Variants in DISP3 observed in about 807,000 individuals in gnomAD.
DISP3 encodes the protein dispatched RND transporter family member 3, also known as protein dispatched homolog 3.
A neutral mutation model predicts 135.3 loss-of-function variants in DISP3; 101 were observed. That is an observed-to-expected ratio of 0.75 (90% CI 0.64 to 0.88). The LOEUF is 0.88. Ranked by LOEUF, DISP3 falls within the 40% of genes least tolerant of loss-of-function variation. The pLI is 0.00. For missense variants in DISP3, 1,713 were observed against 1,878.6 expected (o/e 0.91, Z 1.63); for synonymous variants, 856 against 817.0 (o/e 1.05, Z -0.81).
chr1:11,531,746 G>A lies in DISP3; in HGVS notation c.3375+36G>A, dbSNP rs745937900. On this transcript the variant is annotated intron_variant, in intron 17 of 20. Coordinates refer to ENST00000294484, the MANE Select transcript of DISP3 (RefSeq NM_020780.2). The surrounding 1 kb of genome is among the most constrained non-coding windows in gnomAD (Gnocchi z 5.2). ...GCAGCCTCACTGGGTGCCATGCTGCGTACTTGCCCGGGGTGTGCCACCTCT... is the reference window on the plus strand; with the variant it reads ...GCAGCCTCACTGGGTGCCATGCTGCATACTTGCCCGGGGTGTGCCACCTCT... 3.0e-5 allele frequency: 47 copies of A among 1,560,740 alleles called. No individual in the cohort carries two copies. In the African/African-American group the frequency reaches 3.4e-4, roughly 11 times the overall value.
At position 11,536,214 on chromosome 1, in the gene DISP3, C is replaced by T; in HGVS notation, c.3817-110C>T. 1.4e-6 allele frequency: 2 copies of T among 1,439,298 alleles called. No homozygotes were observed. The highest frequency in any genetic ancestry group is 2.9e-5 in the South Asian group (2 of 69,332). 89.2% of individuals were successfully genotyped at this position (1,439,298 alleles called of 1,614,324 possible). A position where few individuals can be genotyped will look rare whatever the true frequency, so the allele number is the denominator to read the frequency against. On this transcript the variant is annotated intron_variant, in intron 20 of 20. Coordinates refer to ENST00000294484, the MANE Select transcript of DISP3 (RefSeq NM_020780.2). This position sits in a 1 kb window ranked among gnomAD's most constrained non-coding sequence, Gnocchi z 4.3. ...TGGGAGGCCACTTGCAGCTCTCATC[C>T]CAGTAACAGAGCAGGAACCTGGCGT...
intron 1 of DISP3, among the ~76,000 whole-genome samples, chr1:11,494,860 A>T (rs182850324): frequency 6.6e-6 from 1 of 152,138 alleles, no homozygotes; most frequent in East Asian, 1.9e-4. Context: ...GGGAGTGGAG[A>T]AGGAAGGGTT....
chr1:11,485,537 G>C (rs1478590284), intron 1 of DISP3, among the ~76,000 whole-genome samples: 1 of 152,152 alleles, frequency 6.6e-6, no homozygotes, highest in African/African-American at 2.4e-5. Flanking sequence ...GGGGAAGGTT[G>C]TGGCAAATTG....
At chr1:11,488,136 A>G (rs1042321141) in intron 1 of DISP3, among the ~76,000 whole-genome samples, 1 of 152,134 alleles carries the variant, frequency 6.6e-6, no homozygotes, top group Non-Finnish European at 1.5e-5. Context: ...GGCTGGGAGC[A>G]GCAGTTCTTA....
In DISP3 at chr1:11,524,075, G is replaced by A. The variant is rs756443851; in HGVS notation, c.2476+20G>A. On this transcript the variant is annotated intron_variant, in intron 11 of 20. Transcript: ENST00000294484. ...TGCAGGGTGAGCACTGGGGGTGGAG[G>A]GTGGGGAAATCCTCCCTGGTGCTAG... 3.2e-6 allele frequency: 5 copies of A among 1,568,314 alleles called. No homozygotes were observed. The Admixed American group carries it at 6.7e-5, about 21-fold the overall frequency.
In DISP3 at chr1:11,524,075, G is replaced by C; in HGVS notation, c.2476+20G>C. 2.6e-6 allele frequency: 4 copies of C among 1,568,314 alleles called. No individual in the cohort carries two copies. The highest frequency in any genetic ancestry group is 2.6e-6 in the Non-Finnish European group (3 of 1,139,764). On this transcript the variant is annotated intron_variant, in intron 11 of 20. Transcript: ENST00000294484. Reference sequence around the variant, plus strand: ...TGCAGGGTGAGCACTGGGGGTGGAGGGTGGGGAAATCCTCCCTGGTGCTAG... The same window carrying C: ...TGCAGGGTGAGCACTGGGGGTGGAGCGTGGGGAAATCCTCCCTGGTGCTAG...
chr1:11,504,065 C>G (rs1641631907), intron 3 of DISP3, among the ~76,000 whole-genome samples: 1 of 152,202 alleles, frequency 6.6e-6, no homozygotes. Context: ...GAGGAATCAT[C>G]TGCCTGAAAC....
In DISP3 at chr1:11,520,658, C is replaced by T; in HGVS notation, c.2201-29C>T. The T allele has an allele frequency of 1.2e-6, 2 of 1,605,436 alleles. No homozygotes were observed. Among genetic ancestry groups the T allele is most frequent in the Non-Finnish European group, 1.7e-6 (2 of 1,174,548 alleles). ...GGGAACAGACCAGCTGGGCCCAGCC[C>T]CGCCTGGTGTAGCGCCCTTTCCTCA... is the stretch of plus-strand genomic sequence containing the variant. On this transcript the variant is annotated intron_variant, in intron 9 of 20. Coordinates refer to ENST00000294484, the MANE Select transcript of DISP3 (RefSeq NM_020780.2). The surrounding 1 kb of genome is among the most constrained non-coding windows in gnomAD (Gnocchi z 4.8).
intron 15 of DISP3, 47 bp downstream of exon 15, chr1:11,530,006 G>A (rs1642535801): frequency 6.3e-7 from 1 of 1,591,976 alleles, no homozygotes. Flanking sequence ...AGCTGCAACA[G>A]TCTTGCAAAT....
At position 11,534,469 on chromosome 1, in the gene DISP3, C is replaced by T. The variant is rs1642655290; in HGVS notation, c.3464C>T (p.Pro1155Leu). The change falls in exon 18 of 21, where the codon CCC (proline) becomes CTC (leucine). Residue 1155 changes from proline to leucine, a missense_variant. Pro to Leu is a moderately conservative substitution (Grantham distance 98). Around this residue, in one of 2 missense-constraint regions of DISP3, gnomAD observed 1,142 missense variants for 1,384.6 expected, o/e 0.82. Transcript: ENST00000294484. ...SFLQQQLQAL[P>L]EGSVLRRGFQ... ...CTCCAGCAGCAGCTGCAGGCCTTGC[C>T]CGAGGGCTCAGTCCTGCGCCGGGGC... 6.2e-7 allele frequency: 1 copy of T among 1,614,060 alleles called. No individual in the cohort carries two copies. The highest frequency in any genetic ancestry group is 1.1e-5 in the South Asian group (1 of 91,090).
Position 11,536,083 on chromosome 1 carries a change from C to T in DISP3, c.3817-241C>T, listed in dbSNP as rs1479837983. On this transcript the variant is annotated intron_variant, in intron 20 of 20. Transcript: ENST00000294484. This position sits in a 1 kb window ranked among gnomAD's most constrained non-coding sequence, Gnocchi z 4.3. The stretch of plus-strand genomic sequence containing the variant: ...GTTTGGAATTGCGTTGGTGTGAAAA[C>T]ATTCACAAATGTGTAAAGATCAACT... Among the ~76,000 whole-genome samples the T allele has an allele frequency of 1.3e-5, 2 of 152,160 alleles. No homozygotes were observed. The highest frequency in any genetic ancestry group is 2.9e-5 in the Non-Finnish European group (2 of 68,024).
chr1:11,492,121 C>CAAAAAAAA, intron 1 of DISP3, among the ~76,000 whole-genome samples: 1 of 62,182 alleles, frequency 1.6e-5, no homozygotes, highest in Non-Finnish European at 3.1e-5. Flanking sequence ...GACTCCGTCT[C>CAAAAAAAA]AAAAAAAAAA....
At chr1:11,497,851 A>C (rs756097560) in intron 1 of DISP3, among the ~76,000 whole-genome samples, 7 of 152,170 alleles carry the variant, frequency 4.6e-5, no homozygotes, top group Non-Finnish European at 7.3e-5. Flanking sequence ...TGTCCAGGGG[A>C]AAGTTCTATT....
At chr1:11,506,399 C>G (rs1324246946) in intron 3 of DISP3, among the ~76,000 whole-genome samples, 1 of 151,912 alleles carries the variant, frequency 6.6e-6, no homozygotes, top group Non-Finnish European at 1.5e-5. Flanking sequence ...TCACTGAGCC[C>G]CATATGTTTT....
intron 13 of DISP3, among the ~76,000 whole-genome samples, chr1:11,528,677 C>G (rs1041043194): frequency 6.6e-6 from 1 of 152,226 alleles, no homozygotes; most frequent in African/African-American, 2.4e-5. Context: ...TCTGACAGAA[C>G]TCGGTGATAC....
intron 1 of DISP3, among the ~76,000 whole-genome samples, chr1:11,480,804 T>C (rs1640881721): frequency 6.6e-6 from 1 of 150,674 alleles, no homozygotes; most frequent in African/African-American, 2.4e-5. Flanking sequence ...GACCAGGGGA[T>C]CTTCTGGAGG....
chr1:11,483,125 T>C lies in DISP3; in HGVS notation c.-4+3753T>C, dbSNP rs903377936. ...GGGATGGCGGCAGAGCCTCCCCCAG[T>C]GAGCTCACTCTCTGCCTGGCCGCTG... On this transcript the variant is annotated intron_variant, in intron 1 of 20. Transcript: ENST00000294484. The surrounding 1 kb of genome is among the most constrained non-coding windows in gnomAD (Gnocchi z 5.4). Among the ~76,000 whole-genome samples the C allele has an allele frequency of 2.0e-5, 3 of 152,204 alleles. No homozygotes were observed. Among genetic ancestry groups the C allele is most frequent in the Non-Finnish European group, 4.4e-5 (3 of 68,032 alleles).
At position 11,516,925 on chromosome 1, in the gene DISP3, C is replaced by T. The variant is rs75329840; in HGVS notation, c.1750-538C>T. 8.5e-3 allele frequency among the ~76,000 whole-genome samples: 1,301 copies of T among 152,246 alleles called. 15 individuals are homozygous for T. The highest frequency in any genetic ancestry group is 0.011 in the Non-Finnish European group (769 of 68,024). On this transcript the variant is annotated intron_variant, in intron 6 of 20. Transcript: ENST00000294484. The surrounding 1 kb of genome is among the most constrained non-coding windows in gnomAD (Gnocchi z 5.1). ...TGTGGATTATCCAGGGACTGAGATG[C>T]GAGGATGATTGTGAAAGTGTTTCAC...
rs772516887 is a variant in DISP3 at position 11,502,913 on chromosome 1, G to C, written c.1316+16G>C. On this transcript the variant is annotated intron_variant, in intron 3 of 20. Coordinates refer to ENST00000294484, the MANE Select transcript of DISP3 (RefSeq NM_020780.2). The stretch of plus-strand genomic sequence containing the variant: ...AGTCTACCAGGTAGGAAGTCCAGCT[G>C]CATCCTGTGTGTGCATGCCCATTTT... The C allele has an allele frequency of 6.3e-7, 1 of 1,597,480 alleles. No homozygotes were observed. The highest frequency in any genetic ancestry group is 8.6e-7 in the Non-Finnish European group (1 of 1,168,320).
Sources: allele counts gnomAD v4.1 joint callset (sites outside exome capture counted in the v4.1 genomes callset), GRCh38; gene constraint gnomAD v4.1.1; regional missense constraint gnomAD v4.1.1; non-coding constraint Gnocchi (gnomAD v3.1); transcripts MANE v1.5; gene names NCBI Gene and HGNC (gene_info 2026-07-23, HGNC 2026-07-21).